Variants in NRK observed in about 807,000 individuals in gnomAD.
The protein encoded by NRK is nik-related protein kinase.
NRK carries 67 observed loss-of-function variants against 125.2 expected under a neutral mutation model. The observed-to-expected ratio is 0.54, with a 90% CI of 0.44 to 0.66. The LOEUF is 0.66. NRK is among the 30% of genes least tolerant of loss of function. NRK has a pLI of 0.00. For synonymous variants in NRK, 458 were observed against 429.0 expected, an observed-to-expected ratio of 1.07 and a Z score of -0.84; for missense variants, 1,224 against 1,192.9, an observed-to-expected ratio of 1.03 and a Z score of -0.38.
rs372593524 is a variant in NRK, at chrX:105,822,640, C to T, written c.-206C>T. On this transcript the variant is annotated 5_prime_UTR_variant, in exon 1 of 29. Coordinates refer to ENST00000243300, the MANE Select transcript of NRK (RefSeq NM_198465.4). ...CTTAGCCCAACTTGCTTTCCCGCCT[C>T]GCAAACTCCGGTTTCCCTCCACTCC... 5.1e-4 allele frequency: 236 copies of T among 463,102 alleles called. 2 individuals are homozygous for T. The Middle Eastern group carries it at 0.018, about 35-fold the overall frequency. 38.2% of individuals were successfully genotyped at this position (463,102 alleles called of 1,213,427 possible).
chrX:105,902,803 C>G (rs1315099616), intron 9 of NRK, among the ~76,000 whole-genome samples: 1 of 111,381 alleles, frequency 9.0e-6, no homozygotes, highest in East Asian at 2.9e-4. Flanking sequence ...GAGAATCCAA[C>G]TCATGCCTGC....
chrX:105,883,169 C>G (rs1482990204), intron 4 of NRK, among the ~76,000 whole-genome samples: 1 of 112,395 alleles, frequency 8.9e-6, no homozygotes, highest in Non-Finnish European at 1.9e-5. Flanking sequence ...TTATGTGTTT[C>G]TCACAAGCTC....
At chrX:105,867,082 T>C (rs1249949050) in intron 2 of NRK, among the ~76,000 whole-genome samples, 2 of 111,644 alleles carry the variant, frequency 1.8e-5, no homozygotes, top group African/African-American at 3.3e-5. Context: ...TCAATCAATA[T>C]ACTAGGTTCT....
At chrX:105,891,985 C>T (rs1218846729) in intron 5 of NRK, among the ~76,000 whole-genome samples, 2 of 111,195 alleles carry the variant, frequency 1.8e-5, no homozygotes, top group African/African-American at 6.6e-5. Flanking sequence ...GATAGTATAG[C>T]AAAGTGTGAG....
intron 21 of NRK, among the ~76,000 whole-genome samples, chrX:105,936,873 A>G (rs2040672350): frequency 9.0e-6 from 1 of 111,627 alleles, no homozygotes; most frequent in South Asian, 3.7e-4. Context: ...TATATGCATG[A>G]ACATAGAATC....
At position 105,893,962 on chromosome X, in the gene NRK, T is replaced by A. The variant is rs910969567; in HGVS notation, c.489+20T>A. ...CTTCAGGTGAGTCTTCATACAGTCA[T>A]TCTCTTCTGATCTTTTAAGAACCTG... On this transcript the variant is annotated intron_variant, in intron 6 of 28. Coordinates refer to ENST00000243300, the MANE Select transcript of NRK (RefSeq NM_198465.4). 3 of 881,113 alleles carry A rather than the reference T, an allele frequency of 3.4e-6. No individual in the cohort carries two copies. Among genetic ancestry groups the A allele is most frequent in the Non-Finnish European group, 5.0e-6 (3 of 600,454 alleles). 72.6% of individuals were successfully genotyped at this position (881,113 alleles called of 1,213,427 possible). A position where few individuals can be genotyped will look rare whatever the true frequency, so the allele number is the denominator to read the frequency against.
chrX:105,940,363 A>G (rs1279648131), intron 23 of NRK, among the ~76,000 whole-genome samples: 3 of 110,232 alleles, frequency 2.7e-5, no homozygotes, highest in African/African-American at 9.9e-5. Flanking sequence ...AATATTCCAG[A>G]TAAACCGATT....
intron 2 of NRK, among the ~76,000 whole-genome samples, chrX:105,871,485 A>AAC (rs112464085): frequency 0.11 from 12,002 of 104,591 alleles, 1,665 homozygotes; most frequent in African/African-American, 0.38. Context: ...ACACCCCACC[A>AAC]ACACACACAC....
At chrX:105,888,748 A>C (rs2039980293) in intron 5 of NRK, among the ~76,000 whole-genome samples, 1 of 111,211 alleles carries the variant, frequency 9.0e-6, no homozygotes, top group African/African-American at 3.3e-5. Context: ...CAGGCAAGAG[A>C]GCATGTTCAG....
intron 22 of NRK, among the ~76,000 whole-genome samples, chrX:105,938,582 T>G (rs2147786701): frequency 8.9e-6 from 1 of 112,077 alleles, no homozygotes; most frequent in African/African-American, 3.2e-5. Context: ...CAGATTTCTT[T>G]ACTTTTTATC....
intron 23 of NRK, among the ~76,000 whole-genome samples, chrX:105,942,650 G>A (rs143237539): frequency 1.8e-5 from 2 of 111,128 alleles, no homozygotes; most frequent in East Asian, 5.7e-4. Context: ...GCAGAGTCTC[G>A]CTCTGTTGCT....
rs776263716 is a variant in NRK, at chrX:105,912,781, T to C, written c.2349+26T>C. On this transcript the variant is annotated intron_variant, in intron 14 of 28. Coordinates refer to ENST00000243300, the MANE Select transcript of NRK (RefSeq NM_198465.4). ...GTAAATTTTTCAATATGAGTTGTTGTGACATTAGTAAGAACCCAGAACAGT... is the reference window on the plus strand; with the variant it reads ...GTAAATTTTTCAATATGAGTTGTTGCGACATTAGTAAGAACCCAGAACAGT... The C allele has an allele frequency of 3.9e-6, 3 of 759,692 alleles. No individual in the cohort carries two copies. In the East Asian group the frequency reaches 1.2e-4, roughly 29 times the overall value. 62.6% of individuals were successfully genotyped at this position (759,692 alleles called of 1,213,427 possible). A position where few individuals can be genotyped will look rare whatever the true frequency, so the allele number is the denominator to read the frequency against.
intron 5 of NRK, among the ~76,000 whole-genome samples, chrX:105,891,122 C>T (rs1031257363): frequency 9.9e-5 from 11 of 111,622 alleles, no homozygotes; most frequent in African/African-American, 3.6e-4. Context: ...AAAGTATATG[C>T]GCTTATGGAT....
chrX:105,858,752 C>T (rs2039564960), intron 2 of NRK, among the ~76,000 whole-genome samples: 1 of 111,067 alleles, frequency 9.0e-6, no homozygotes, highest in South Asian at 3.8e-4. Context: ...AATCATCTAT[C>T]ACAAAAACAG....
At chrX:105,847,288 A>T (rs1422547230) in intron 2 of NRK, among the ~76,000 whole-genome samples, 1 of 112,203 alleles carries the variant, frequency 8.9e-6, no homozygotes, top group African/African-American at 3.2e-5. Context: ...TCTAATGAAA[A>T]CAGAGAGAAT....
intron 2 of NRK, among the ~76,000 whole-genome samples, chrX:105,844,289 A>G (rs1291424951): frequency 1.8e-5 from 2 of 110,763 alleles, no homozygotes; most frequent in Admixed American, 9.7e-5. Flanking sequence ...GAGAGATGAT[A>G]CTGGTAGAGA....
Position 105,866,950 on chromosome X carries a change from TC to T in NRK, c.124-13247del, listed in dbSNP as rs200813046. On this transcript the variant is annotated intron_variant, in intron 2 of 28. Coordinates refer to ENST00000243300, the MANE Select transcript of NRK (RefSeq NM_198465.4). ...AGCCCTAGATTTTCTATCACACACT[TC>T]CTAACACAGTGTGTTGCAGACAGGC... is the stretch of plus-strand genomic sequence containing the variant. Among the ~76,000 whole-genome samples, 102 of 111,120 alleles carry T rather than the reference TC, an allele frequency of 9.2e-4. No homozygotes were observed. The East Asian group carries it at 0.02, about 22-fold the overall frequency.
intron 2 of NRK, among the ~76,000 whole-genome samples, chrX:105,873,786 G>A (rs1368597664): frequency 9.0e-6 from 1 of 111,323 alleles, no homozygotes; most frequent in Non-Finnish European, 1.9e-5. Context: ...GCCATCTTCA[G>A]GGTCCATTTG....
At chrX:105,930,302 G>T (rs755319426) in intron 19 of NRK, among the ~76,000 whole-genome samples, 1 of 108,910 alleles carries the variant, frequency 9.2e-6, no homozygotes, top group South Asian at 4.0e-4. Context: ...CATTTTAAAA[G>T]ACATGTCTTC....
Sources: gnomAD v4.1 joint callset for allele counts (sites outside exome capture counted in the v4.1 genomes callset) on GRCh38, gnomAD v4.1.1 for gene constraint, MANE v1.5 for transcripts, NCBI Gene and HGNC (gene_info 2026-07-23, HGNC 2026-07-21) for gene names.